LRRC37A2: variants seen among roughly 807,000 people sequenced by gnomAD.
LRRC37A2 encodes the protein leucine-rich repeat-containing protein 37A2.
In LRRC37A2, 9 loss-of-function variants were observed where a neutral mutation model predicts 68.8. The observed-to-expected ratio is 0.13, with a 90% CI of 0.08 to 0.23. The LOEUF is 0.23. LRRC37A2 is among the 10% of genes least tolerant of loss of function. LRRC37A2 has a pLI of 1.00. For synonymous variants in LRRC37A2, 63 were observed against 367.6 expected, an observed-to-expected ratio of 0.17 and a Z score of 9.48; for missense variants, 168 against 950.4, an observed-to-expected ratio of 0.18 and a Z score of 10.82.
chr17:46,810,004 CTTT>C, the LRRC37A2 span, among the ~76,000 whole-genome samples: 6 of 126,382 alleles, frequency 4.7e-5, no homozygotes, highest in Non-Finnish European at 6.6e-5. Flanking sequence ...TTCTTTCTTT[CTTT>C]TTTTTTTTTT....
At chr17:46,497,626 ATAC>A in the LRRC37A2 span, among the ~76,000 whole-genome samples, 2 of 150,588 alleles carry the variant, frequency 1.3e-5, no homozygotes, top group African/African-American at 5.0e-5. Context: ...ATATATCTAT[ATAC>A]ACTTTCAATG....
At chr17:46,945,829 T>A in the LRRC37A2 span, among the ~76,000 whole-genome samples, 14 of 152,074 alleles carry the variant, frequency 9.2e-5, no homozygotes, top group Non-Finnish European at 1.9e-4. Context: ...CCTCACCAGG[T>A]GGTTGTGAAT....
At chr17:46,530,460 G>A (rs2053527471) in intron 6 of LRRC37A2, among the ~76,000 whole-genome samples, 1 of 141,128 alleles carries the variant, frequency 7.1e-6, no homozygotes. Flanking sequence ...TAGGAAAGAG[G>A]AGGGGGATCA....
chr17:46,930,999 C>T, the LRRC37A2 span: 1 of 735,858 alleles, frequency 1.4e-6, no homozygotes, highest in Non-Finnish European at 2.5e-6. Flanking sequence ...ATATGTAGTT[C>T]TAGTTTATTG....
the LRRC37A2 span, among the ~76,000 whole-genome samples, chr17:46,745,282 A>G: frequency 2.0e-5 from 3 of 152,194 alleles, no homozygotes. Context: ...CACTACCACT[A>G]ATTAATACAC....
At chr17:46,818,436 G>T in the LRRC37A2 span, 2 of 1,401,724 alleles carry the variant, frequency 1.4e-6, no homozygotes, top group Non-Finnish European at 2.0e-6. Flanking sequence ...GCCCTGCAGC[G>T]GCCCACCCCC....
At chr17:46,461,997 CAA>C in the LRRC37A2 span, among the ~76,000 whole-genome samples, 4 of 57,288 alleles carry the variant, frequency 7.0e-5, no homozygotes, top group East Asian at 3.0e-4. Flanking sequence ...AACTCCATGT[CAA>C]AAAAAAAAAA....
chr17:47,001,717 CTTTTTTTTTTTTT>C, the LRRC37A2 span, among the ~76,000 whole-genome samples: 5 of 108,610 alleles, frequency 4.6e-5, no homozygotes, highest in African/African-American at 6.8e-5. Flanking sequence ...CTCTTTTTTC[CTTTTTTTTTTTTT>C]TTTTTTTTTT....
At chr17:47,029,311 C>T in the LRRC37A2 span, among the ~76,000 whole-genome samples, 7 of 152,164 alleles carry the variant, frequency 4.6e-5, no homozygotes, top group Admixed American at 2.0e-4. Context: ...GAAAATATAT[C>T]GCTGTATCTT....
chr17:47,028,987 T>A, the LRRC37A2 span, among the ~76,000 whole-genome samples: 2 of 151,850 alleles, frequency 1.3e-5, no homozygotes, highest in East Asian at 3.9e-4. Flanking sequence ...GAGACCAGCC[T>A]GGCCAACATG....
chr17:46,746,820 A>C, the LRRC37A2 span, among the ~76,000 whole-genome samples: 1 of 152,208 alleles, frequency 6.6e-6, no homozygotes, highest in African/African-American at 2.4e-5. Flanking sequence ...TTCATCAGTA[A>C]AATGGGGATA....
chr17:46,898,688 C>A, the LRRC37A2 span, among the ~76,000 whole-genome samples: 1 of 152,210 alleles, frequency 6.6e-6, no homozygotes, highest in Non-Finnish European at 1.5e-5. Flanking sequence ...CCAGTGGAAT[C>A]CTTGCCTAAT....
chr17:46,980,173 T>A, the LRRC37A2 span, among the ~76,000 whole-genome samples: 1 of 137,022 alleles, frequency 7.3e-6, no homozygotes, highest in Non-Finnish European at 1.5e-5. Flanking sequence ...GGCCCCAGAA[T>A]GTGCATTTCT....
the LRRC37A2 span, among the ~76,000 whole-genome samples, chr17:46,909,072 G>A: frequency 6.6e-6 from 1 of 152,190 alleles, no homozygotes; most frequent in Non-Finnish European, 1.5e-5. Flanking sequence ...TAGAAATGTA[G>A]CATGAGTCTC....
the LRRC37A2 span, among the ~76,000 whole-genome samples, chr17:46,861,444 C>A: frequency 6.6e-6 from 1 of 152,196 alleles, no homozygotes; most frequent in South Asian, 2.1e-4. Context: ...GTCCCATTCA[C>A]TCCTTCATCT....
At chr17:46,830,424 T>C in the LRRC37A2 span, among the ~76,000 whole-genome samples, 2 of 152,030 alleles carry the variant, frequency 1.3e-5, no homozygotes, top group African/African-American at 4.8e-5. Flanking sequence ...CCTAACTTTT[T>C]ATTATTTTTA....
chr17:46,999,668 C>T, the LRRC37A2 span, among the ~76,000 whole-genome samples: 2 of 151,996 alleles, frequency 1.3e-5, no homozygotes, highest in African/African-American at 4.8e-5. Context: ...GTTTCTTAAC[C>T]TCTCTGCATT....
chr17:47,000,019 A>AAAAT, the LRRC37A2 span, among the ~76,000 whole-genome samples: 26 of 20,350 alleles, frequency 1.3e-3, 1 homozygote, highest in African/African-American at 1.4e-3. Flanking sequence ...AAAATAAAAT[A>AAAAT]AAATAAAATA....
the LRRC37A2 span, chr17:46,751,452 T>C: frequency 2.8e-5 from 36 of 1,270,032 alleles, no homozygotes; most frequent in Admixed American, 6.1e-4. Context: ...TTAACCAATG[T>C]TGATGTGTTC....
Sources: gnomAD v4.1 joint callset for allele counts (sites outside exome capture counted in the v4.1 genomes callset) on GRCh38, gnomAD v4.1.1 for gene constraint, MANE v1.5 for transcripts, NCBI Gene and HGNC (gene_info 2026-07-23, HGNC 2026-07-21) for gene names.